CNTLN: variants seen among roughly 807,000 people sequenced by gnomAD.
The protein encoded by CNTLN is centlein.
In CNTLN, 212 loss-of-function variants were observed where a neutral mutation model predicts 180.0. The observed-to-expected ratio is 1.18, with a 90% confidence interval of 1.05 to 1.32. CNTLN has a LOEUF of 1.32. Among genes scored for constraint, CNTLN ranks in the 40% most tolerant of loss-of-function variants. The probability of loss-of-function intolerance (pLI) is 0.00; values close to 1 mark genes in which losing one functional copy is unlikely to be tolerated. For synonymous variants in CNTLN, 722 were observed against 563.1 expected, an observed-to-expected ratio of 1.28 and a Z score of -3.99; for missense variants, 2,095 against 1,610.9, an observed-to-expected ratio of 1.30 and a Z score of -5.14.
chr9:17,504,507 C>A (rs957557234), downstream of CNTLN, among the ~76,000 whole-genome samples: 1 of 151,996 alleles, frequency 6.6e-6, no homozygotes, highest in Non-Finnish European at 1.5e-5. Context: ...CTCCTTAGTC[C>A]CCGAAACCTG....
At chr9:17,188,931 A>G (rs1286510990) in intron 2 of CNTLN, among the ~76,000 whole-genome samples, 1 of 151,780 alleles carries the variant, frequency 6.6e-6, no homozygotes, top group Non-Finnish European at 1.5e-5. Flanking sequence ...CATACCTAAT[A>G]ATTTTTGGTT....
chr9:17,145,199 G>T (rs926227414), intron 2 of CNTLN, among the ~76,000 whole-genome samples: 7 of 152,182 alleles, frequency 4.6e-5, no homozygotes, highest in African/African-American at 1.7e-4. Context: ...TGAATCTCTA[G>T]GGGGTGGGAC....
intron 8 of CNTLN, among the ~76,000 whole-genome samples, chr9:17,317,594 A>G (rs1587637556): frequency 1.3e-5 from 2 of 152,204 alleles, no homozygotes; most frequent in East Asian, 1.9e-4. Context: ...AGTGCTATGG[A>G]GAAAAATAAT....
intron 2 of CNTLN, among the ~76,000 whole-genome samples, chr9:17,186,072 A>G (rs1020289647): frequency 2.0e-5 from 3 of 152,174 alleles, no homozygotes; most frequent in South Asian, 2.1e-4. Context: ...GACCACAGGT[A>G]TGAGCCACCG....
At chr9:17,385,013 G>A (rs1825578228) in intron 13 of CNTLN, among the ~76,000 whole-genome samples, 1 of 152,220 alleles carries the variant, frequency 6.6e-6, no homozygotes, top group Admixed American at 6.5e-5. Context: ...GACCAACTGA[G>A]TTTAAATTGG....
At chr9:17,186,606 T>C (rs943688323) in intron 2 of CNTLN, among the ~76,000 whole-genome samples, 1 of 152,160 alleles carries the variant, frequency 6.6e-6, no homozygotes, top group Non-Finnish European at 1.5e-5. Flanking sequence ...TGTTATTAGT[T>C]TTTTTTCCTG....
intron 2 of CNTLN, among the ~76,000 whole-genome samples, chr9:17,150,385 C>T (rs1026466164): frequency 6.6e-6 from 1 of 152,182 alleles, no homozygotes; most frequent in East Asian, 1.9e-4. Context: ...CCAGTTTTCC[C>T]AACACCATTT....
At chr9:17,525,827 A>G in the CNTLN span, among the ~76,000 whole-genome samples, 2 of 152,252 alleles carry the variant, frequency 1.3e-5, no homozygotes, top group African/African-American at 4.8e-5. Context: ...TTAAAGACAT[A>G]CAAAACACTG....
intron 18 of CNTLN, among the ~76,000 whole-genome samples, chr9:17,442,153 G>A (rs1272958276): frequency 1.3e-5 from 2 of 152,164 alleles, no homozygotes; most frequent in African/African-American, 4.8e-5. Context: ...ACTTGAACAA[G>A]ACTGTGGACC....
At chr9:17,400,625 T>A (rs865857868) in intron 15 of CNTLN, among the ~76,000 whole-genome samples, 1 of 152,178 alleles carries the variant, frequency 6.6e-6, no homozygotes, top group South Asian at 2.1e-4. Context: ...CATAGATACG[T>A]TGTGAGAAAG....
chr9:17,501,438 A>C (rs1407677357), intron 25 of CNTLN, among the ~76,000 whole-genome samples: 1 of 152,200 alleles, frequency 6.6e-6, no homozygotes, highest in Non-Finnish European at 1.5e-5. Context: ...TTCTACTACC[A>C]CAGCTAGTCT....
Position 17,462,935 on chromosome 9 carries a change from C to G in CNTLN, c.3326C>G (p.Thr1109Ser). Reference sequence around the variant, plus strand: ...ATCTAGAATGCTACTAATGAACTCACTAAACAGTCATCAAATGTGAAGACT... The same window carrying G: ...ATCTAGAATGCTACTAATGAACTCAGTAAACAGTCATCAAATGTGAAGACT... ...YKLKNATNEL[T>S]KQSSNVKTLK... Residue 1109 changes from threonine to serine, a missense_variant, in exon 20 of 26, where the codon ACT becomes AGT. Thr to Ser is a moderately conservative substitution (Grantham distance 58, BLOSUM62 1). Coordinates refer to ENST00000380647, the MANE Select transcript of CNTLN (RefSeq NM_017738.4). 6.4e-7 allele frequency: 1 copy of G among 1,572,602 alleles called. No homozygotes were observed. The highest frequency in any genetic ancestry group is 8.6e-7 in the Non-Finnish European group (1 of 1,161,394).
intron 13 of CNTLN, among the ~76,000 whole-genome samples, chr9:17,376,634 G>A (rs928696664): frequency 6.6e-6 from 1 of 151,868 alleles, no homozygotes; most frequent in East Asian, 1.9e-4. Flanking sequence ...TGTATTTTTA[G>A]TAGAGACGGG....
chr9:17,325,701 G>T (rs989156269), intron 8 of CNTLN, among the ~76,000 whole-genome samples: 1 of 151,810 alleles, frequency 6.6e-6, no homozygotes, highest in Non-Finnish European at 1.5e-5. Context: ...TTTGTTATGT[G>T]TTGACAGGTT....
At chr9:17,496,738 G>A (rs918929962) in intron 25 of CNTLN, among the ~76,000 whole-genome samples, 1 of 151,992 alleles carries the variant, frequency 6.6e-6, no homozygotes, top group Non-Finnish European at 1.5e-5. Context: ...ACATTAAAAG[G>A]GACTCCTTGT....
chr9:17,472,526 A>AT (rs1832089421), intron 23 of CNTLN, among the ~76,000 whole-genome samples: 1 of 152,116 alleles, frequency 6.6e-6, no homozygotes, highest in African/African-American at 2.4e-5. Flanking sequence ...TCCAATGATT[A>AT]TTCCCATCAT....
chr9:17,361,703 T>A (rs1823404392), intron 12 of CNTLN, among the ~76,000 whole-genome samples: 2 of 152,220 alleles, frequency 1.3e-5, no homozygotes, highest in African/African-American at 2.4e-5. Flanking sequence ...TGTCATGTTC[T>A]TCTTGGGACC....
At position 17,135,065 on chromosome 9, in the gene CNTLN, C is replaced by A; in HGVS notation, c.-1C>A. On this transcript the variant is annotated 5_prime_UTR_variant, in exon 1 of 26. Transcript: ENST00000380647. ...AACTTGACCCGTTAGCAGCCGCAGCCATGGCGGCGCGTTCGCCTCCCTCAC... is the reference window on the plus strand; with the variant it reads ...AACTTGACCCGTTAGCAGCCGCAGCAATGGCGGCGCGTTCGCCTCCCTCAC... 2 of 1,595,768 alleles carry A rather than the reference C, an allele frequency of 1.3e-6. No homozygotes were observed. The highest frequency in any genetic ancestry group is 1.7e-6 in the Non-Finnish European group (2 of 1,175,784).
At chr9:17,338,362 G>A (rs1178096899) in intron 10 of CNTLN, among the ~76,000 whole-genome samples, 3 of 35,746 alleles carry the variant, frequency 8.4e-5, no homozygotes, top group African/African-American at 1.6e-4. Context: ...TTTTAGAGAT[G>A]GGGTTTCACT....
Sources: allele counts gnomAD v4.1 joint callset (sites outside exome capture counted in the v4.1 genomes callset), GRCh38; gene constraint gnomAD v4.1.1; transcripts MANE v1.5; gene names NCBI Gene and HGNC (gene_info 2026-07-23, HGNC 2026-07-21).